The following TGM5 variants were observed in gnomAD, a reference collection of about 807,000 sequenced individuals.
TGM5 encodes protein-glutamine gamma-glutamyltransferase 5.
A neutral mutation model predicts 77.2 loss-of-function variants in TGM5; 69 were observed. That is an observed-to-expected ratio of 0.89 (90% confidence interval 0.74 to 1.09). The LOEUF is 1.09. Among genes scored for constraint, TGM5 ranks in the 50% least tolerant of loss-of-function variants. TGM5 has a pLI of 0.00. For synonymous variants in TGM5, 346 were observed against 351.8 expected (o/e 0.98, Z 0.18); for missense variants, 842 against 896.5 (o/e 0.94, Z 0.78).
chr15:43,252,649 A>G (rs2042712451), intron 6 of TGM5, 110 bp downstream of exon 6: 3 of 1,394,920 alleles, frequency 2.2e-6, no homozygotes, highest in Non-Finnish European at 2.0e-6. Flanking sequence ...GCTTCCTTCC[A>G]AATGTCCCTT....
At chr15:43,245,910 G>T (rs1027633862) in intron 6 of TGM5, among the ~76,000 whole-genome samples, 5 of 139,256 alleles carry the variant, frequency 3.6e-5, no homozygotes, top group South Asian at 2.6e-4. Flanking sequence ...GGGGGGGGGG[G>T]TCTTAAATGG....
chr15:43,250,791 A>G (rs563778332), intron 6 of TGM5, among the ~76,000 whole-genome samples: 5 of 152,226 alleles, frequency 3.3e-5, no homozygotes, highest in African/African-American at 1.2e-4. Flanking sequence ...TTAATTTATA[A>G]CATGGTAGCT....
In TGM5 at chr15:43,238,866, G is replaced by C. The variant is rs1566829012; in HGVS notation, c.1296C>G (p.Ile432Met). 1.2e-6 allele frequency: 2 copies of C among 1,614,188 alleles called. No individual in the cohort carries two copies. The highest frequency in any genetic ancestry group is 2.7e-5 in the African/African-American group (2 of 75,048). The change falls in exon 9 of 13, where the codon ATC (isoleucine) becomes ATG (methionine). Residue 432 changes from isoleucine to methionine, a missense_variant. Physicochemically the swap from Ile to Met is conservative, Grantham distance 10. Transcript: ENST00000220420. ...SVGNFISTKS[I>M]QSDERDDITE... ...TGATGTCATCCCGCTCGTCACTCTG[G>C]ATGCTCTTTGTGCTGATAAAATTGC... is the stretch of plus-strand genomic sequence containing the variant.
At chr15:43,248,048 A>T (rs1245200564) in intron 6 of TGM5, among the ~76,000 whole-genome samples, 1 of 152,210 alleles carries the variant, frequency 6.6e-6, no homozygotes, top group Non-Finnish European at 1.5e-5. Flanking sequence ...GAGCAGACCA[A>T]TTATGGTAAG....
intron 6 of TGM5, among the ~76,000 whole-genome samples, chr15:43,250,516 C>T (rs902668800): frequency 6.6e-6 from 1 of 152,184 alleles, no homozygotes; most frequent in Non-Finnish European, 1.5e-5. Flanking sequence ...TAGCACAGTG[C>T]CTGGCACAAA....
chr15:43,240,027 G>A (rs1407804861), intron 7 of TGM5, among the ~76,000 whole-genome samples: 3 of 152,080 alleles, frequency 2.0e-5, no homozygotes, highest in Non-Finnish European at 1.5e-5. Context: ...CCATGGCTAG[G>A]CATAGAAATT....
intron 10 of TGM5, 56 bp from the exon 11 acceptor site, chr15:43,234,985 G>T: frequency 6.3e-7 from 1 of 1,598,594 alleles, no homozygotes; most frequent in Admixed American, 1.7e-5. Context: ...AGCCGTACCT[G>T]GGTTGGACCT....
intron 6 of TGM5, among the ~76,000 whole-genome samples, chr15:43,246,449 T>C (rs2042670646): frequency 6.6e-6 from 1 of 152,212 alleles, no homozygotes. Context: ...GCACCCTTGA[T>C]ATTATGTGAG....
rs770508694 is a variant in TGM5, at chr15:43,235,447, C to T, written c.1714+22G>A. 6 of 1,613,960 alleles carry T rather than the reference C, an allele frequency of 3.7e-6. No homozygotes were observed. In the Admixed American group the frequency reaches 5.0e-5, roughly 13 times the overall value. On this transcript the variant is annotated intron_variant, in intron 10 of 12. Coordinates refer to ENST00000220420, the MANE Select transcript of TGM5 (RefSeq NM_201631.4). ...ACATTGCCAAAACCAACTCTGCGTA[C>T]ACAAACTGTGCACATGCGTACCTTC...
At chr15:43,258,778 G>A (rs1313677492) in intron 3 of TGM5, among the ~76,000 whole-genome samples, 1 of 152,168 alleles carries the variant, frequency 6.6e-6, no homozygotes, top group Non-Finnish European at 1.5e-5. Context: ...TGGGTCTCCC[G>A]GGGCCTGGGT....
chr15:43,235,362 G>A (rs1436662931), intron 10 of TGM5, 107 bp downstream of exon 10: 1 of 1,487,632 alleles, frequency 6.7e-7, no homozygotes, highest in Non-Finnish European at 9.3e-7. Context: ...GGGGACAGTA[G>A]AAATGATGGT....
intron 6 of TGM5, among the ~76,000 whole-genome samples, chr15:43,249,367 T>C (rs1437445571): frequency 3.3e-5 from 5 of 152,242 alleles, no homozygotes; most frequent in Non-Finnish European, 4.4e-5. Flanking sequence ...CTTTACTGTC[T>C]AACTCCAAAA....
chr15:43,251,042 G>A (rs1288826177), intron 6 of TGM5, among the ~76,000 whole-genome samples: 2 of 152,132 alleles, frequency 1.3e-5, no homozygotes, highest in East Asian at 1.9e-4. Context: ...CCCATTAGAT[G>A]CTAGGCTTTT....
At chr15:43,246,797 C>T (rs1287965096) in intron 6 of TGM5, among the ~76,000 whole-genome samples, 1 of 152,028 alleles carries the variant, frequency 6.6e-6, no homozygotes, top group African/African-American at 2.4e-5. Context: ...TCCAGGAGGC[C>T]AGATAAAGCA....
At chr15:43,242,360 G>C (rs1194286600) in intron 6 of TGM5, among the ~76,000 whole-genome samples, 1 of 152,200 alleles carries the variant, frequency 6.6e-6, no homozygotes, top group Admixed American at 6.5e-5. Flanking sequence ...CCGAAAGCAA[G>C]ATTTTAGTGG....
intron 5 of TGM5, 50 bp from the exon 6 acceptor site, chr15:43,252,986 A>G: frequency 6.3e-7 from 1 of 1,597,384 alleles, no homozygotes; most frequent in African/African-American, 1.3e-5. Flanking sequence ...TTTCCTCAAC[A>G]TGCCATGTGT....
chr15:43,234,724 C>T, intron 11 of TGM5, 45 bp downstream of exon 11: 1 of 1,613,486 alleles, frequency 6.2e-7, no homozygotes, highest in Non-Finnish European at 8.5e-7. Context: ...CCCTCCCCGC[C>T]AGATCCAAGG....
rs2042561155 is a variant in TGM5, at chr15:43,233,342, A to C, written c.2012T>G (p.Leu671Arg). 1 of 1,613,624 alleles carries C rather than the reference A, an allele frequency of 6.2e-7. No individual in the cohort carries two copies. The highest frequency in any genetic ancestry group is 2.2e-5 in the East Asian group (1 of 44,876). ...TTGGTGTTGGGGTTTGAGGACTCCA[A>C]GGCTGCAACAGAGAATGGAGCATGT... ...GLFKKQQKVF[L>R]GVLKPQHQAS... The change falls in exon 13 of 13, where the codon CTT becomes CGT. Residue 671 changes from leucine to arginine, a missense_variant and splice_region_variant. Physicochemically the swap from Leu to Arg is moderately radical, Grantham distance 102. Transcript: ENST00000220420.
rs1461818467 is a variant in TGM5, at chr15:43,240,966, G to A, written c.887C>T (p.Thr296Ile). The A allele has an allele frequency of 6.2e-7, 1 of 1,614,130 alleles. No homozygotes were observed. The highest frequency in any genetic ancestry group is 8.5e-7 in the Non-Finnish European group (1 of 1,180,026). Residue 296 changes from threonine to isoleucine, a missense_variant, in exon 7 of 13, where the codon ACC (threonine) becomes ATC (isoleucine). Transcript: ENST00000220420. The part of the protein sequence containing the change: ...CTVMRCLGIP[T>I]RVITNFDSGH... ...AGAGTCGAAGTTGGTGATCACACGGGTAGGGATCCCCAGACACCTCATCAC... is the reference window on the plus strand; with the variant it reads ...AGAGTCGAAGTTGGTGATCACACGGATAGGGATCCCCAGACACCTCATCAC...
Sources: allele counts gnomAD v4.1 joint callset (sites outside exome capture counted in the v4.1 genomes callset), GRCh38; gene constraint gnomAD v4.1.1; transcripts MANE v1.5; gene names NCBI Gene and HGNC (gene_info 2026-07-23, HGNC 2026-07-21).